NKAIN2: variants seen among roughly 807,000 people sequenced by gnomAD.
The protein encoded by NKAIN2 is sodium/potassium transporting ATPase interacting 2.
NKAIN2 carries 14 observed loss-of-function variants against 32.6 expected under a neutral mutation model. The observed-to-expected ratio is 0.43, with a 90% CI of 0.28 to 0.67. NKAIN2 has a LOEUF of 0.67. NKAIN2 is among the 30% of genes least tolerant of loss of function. NKAIN2 has a pLI of 0.17. For missense variants in NKAIN2, 198 were observed against 258.3 expected (o/e 0.77, Z 1.60); for synonymous variants, 80 against 87.2 (o/e 0.92, Z 0.46).
At chr6:124,098,305 G>A (rs1477963378) in intron 1 of NKAIN2, among the ~76,000 whole-genome samples, 1 of 152,104 alleles carries the variant, frequency 6.6e-6, no homozygotes, top group African/African-American at 2.4e-5. Context: ...GCTCTTTGAG[G>A]ACAGGGATCA....
intron 1 of NKAIN2, among the ~76,000 whole-genome samples, chr6:124,057,548 C>T (rs1295479725): frequency 6.6e-6 from 1 of 151,702 alleles, no homozygotes; most frequent in Non-Finnish European, 1.5e-5. Context: ...ATTTTGCTGA[C>T]ATTTATAAAC....
In NKAIN2 at chr6:123,972,981, T is replaced by C. The variant is rs565898036; in HGVS notation, c.54+168727T>C. Reference sequence around the variant, plus strand: ...AACCAGAAAGTTAATACTATCAAAATTAAAGAGTAGTATATTTTGTAACTT... The same window carrying C: ...AACCAGAAAGTTAATACTATCAAAACTAAAGAGTAGTATATTTTGTAACTT... On this transcript the variant is annotated intron_variant, in intron 1 of 6. Transcript: ENST00000368417. 1.3e-3 allele frequency among the ~76,000 whole-genome samples: 195 copies of C among 152,246 alleles called. 1 individual carries two copies. The highest frequency in any genetic ancestry group is 4.6e-3 in the African/African-American group (190 of 41,558).
At chr6:124,234,105 G>A (rs773299593) in intron 1 of NKAIN2, among the ~76,000 whole-genome samples, 10 of 151,970 alleles carry the variant, frequency 6.6e-5, no homozygotes, top group Non-Finnish European at 1.2e-4. Flanking sequence ...AGCTCTTTCT[G>A]TTGTCTAGTT....
chr6:124,550,150 TC>T (rs1277026047), intron 3 of NKAIN2, among the ~76,000 whole-genome samples: 2 of 152,244 alleles, frequency 1.3e-5, no homozygotes, highest in East Asian at 3.8e-4. Flanking sequence ...ATCATTTCTC[TC>T]CTGTTTATTT....
chr6:123,979,972 T>C (rs1562290093), intron 1 of NKAIN2, among the ~76,000 whole-genome samples: 1 of 152,150 alleles, frequency 6.6e-6, no homozygotes, highest in East Asian at 1.9e-4. Context: ...ATGATACAGG[T>C]TGATTATGAT....
chr6:124,196,007 A>G, intron 1 of NKAIN2, among the ~76,000 whole-genome samples: 1 of 152,090 alleles, frequency 6.6e-6, no homozygotes, highest in East Asian at 1.9e-4. Context: ...AAATTTGTTC[A>G]CTCTTTAATT....
intron 1 of NKAIN2, among the ~76,000 whole-genome samples, chr6:124,268,799 C>T (rs1794620432): frequency 6.6e-6 from 1 of 151,866 alleles, no homozygotes; most frequent in Non-Finnish European, 1.5e-5. Flanking sequence ...GAAGTGATAT[C>T]ATAATGTTCA....
chr6:123,902,435 G>C (rs554343997), intron 1 of NKAIN2, among the ~76,000 whole-genome samples: 1 of 152,200 alleles, frequency 6.6e-6, no homozygotes, highest in African/African-American at 2.4e-5. Context: ...TGTGATGTTG[G>C]TGGTACAGCT....
In NKAIN2 at chr6:124,281,605, G is replaced by A. The variant is rs535585689; in HGVS notation, c.55-1400G>A. On this transcript the variant is annotated intron_variant, in intron 1 of 6. Coordinates refer to ENST00000368417, the MANE Select transcript of NKAIN2 (RefSeq NM_001040214.3). ...GTTCTTTTGTTTTTTTAATTATGGC[G>A]AAGATGCAATGAGAATTACGATTTG... Among the ~76,000 whole-genome samples the A allele has an allele frequency of 3.7e-3, 569 of 152,212 alleles. 7 individuals carry two copies. Among genetic ancestry groups the A allele is most frequent in the Middle Eastern group, 0.01 (3 of 294 alleles).
intron 3 of NKAIN2, among the ~76,000 whole-genome samples, chr6:124,557,840 C>T (rs943343150): frequency 3.9e-5 from 6 of 152,152 alleles, no homozygotes; most frequent in Admixed American, 1.3e-4. Context: ...TTACTAACAG[C>T]GCATCACTTT....
At chr6:124,397,365 T>C (rs1256793300) in intron 3 of NKAIN2, among the ~76,000 whole-genome samples, 2 of 152,086 alleles carry the variant, frequency 1.3e-5, no homozygotes, top group Non-Finnish European at 2.9e-5. Context: ...ATTCAGTGCT[T>C]ACCAATAATG....
At chr6:124,349,002 T>C (rs1346799399) in intron 2 of NKAIN2, among the ~76,000 whole-genome samples, 1 of 152,166 alleles carries the variant, frequency 6.6e-6, no homozygotes, top group African/African-American at 2.4e-5. Context: ...TTGCTAGCAG[T>C]TGTTTTTAAG....
At chr6:123,869,613 G>A (rs928641018) in intron 1 of NKAIN2, among the ~76,000 whole-genome samples, 2 of 152,140 alleles carry the variant, frequency 1.3e-5, no homozygotes, top group East Asian at 1.9e-4. Context: ...CATTCAATTG[G>A]ATTCATATCA....
In NKAIN2 at chr6:124,779,927, TTTTGG is replaced by T. The variant is rs375132391; in HGVS notation, c.475-11405_475-11401del. Among the ~76,000 whole-genome samples, 339 of 152,336 alleles carry T rather than the reference TTTTGG, an allele frequency of 2.2e-3. 2 individuals are homozygous for T. The highest frequency in any genetic ancestry group is 7.8e-3 in the African/African-American group (325 of 41,576). On this transcript the variant is annotated intron_variant, in intron 4 of 6. Transcript: ENST00000368417. Reference sequence around the variant, plus strand: ...ATGGTTGTTACTTTAAGCCACTAAATTTTGGTTTGGTGTGTTATGTCTCAAAAGTT... The same window carrying T: ...ATGGTTGTTACTTTAAGCCACTAAATTTTGGTGTGTTATGTCTCAAAAGTT...
intron 3 of NKAIN2, among the ~76,000 whole-genome samples, chr6:124,433,875 T>C (rs1483144697): frequency 6.6e-6 from 1 of 152,104 alleles, no homozygotes; most frequent in Non-Finnish European, 1.5e-5. Flanking sequence ...ACAAAAGCAT[T>C]TGGGATTGTT....
At position 124,251,641 on chromosome 6, in the gene NKAIN2, T is replaced by C. The variant is rs138861567; in HGVS notation, c.55-31364T>C. ...AAGCAAAGTGATAATTAAATCCACA[T>C]TGAGAACCTATTATAAAACCACCAG... On this transcript the variant is annotated intron_variant, in intron 1 of 6. Transcript: ENST00000368417. Among the ~76,000 whole-genome samples the C allele has an allele frequency of 2.0e-3, 300 of 152,122 alleles. 1 individual carries two copies. Among genetic ancestry groups the C allele is most frequent in the African/African-American group, 6.7e-3 (277 of 41,556 alleles).
chr6:124,740,466 G>GTT (rs1554259570), intron 4 of NKAIN2, among the ~76,000 whole-genome samples: 1 of 150,932 alleles, frequency 6.6e-6, no homozygotes, highest in African/African-American at 2.4e-5. Context: ...GTGTGTGTGT[G>GTT]TGTGTGTGGT....
At chr6:124,231,862 CAT>C (rs34160856) in intron 1 of NKAIN2, among the ~76,000 whole-genome samples, 7 of 150,390 alleles carry the variant, frequency 4.7e-5, no homozygotes, top group South Asian at 2.1e-4. Context: ...TATAAATATA[CAT>C]ATATATATAC....
chr6:124,343,180 C>G (rs1583081553), intron 2 of NKAIN2, among the ~76,000 whole-genome samples: 1 of 152,066 alleles, frequency 6.6e-6, no homozygotes, highest in Admixed American at 6.6e-5. Context: ...TTTATGGCTG[C>G]ATAGTATTCA....
Sources: allele counts gnomAD v4.1 joint callset (sites outside exome capture counted in the v4.1 genomes callset), GRCh38; gene constraint gnomAD v4.1.1; transcripts MANE v1.5; gene names NCBI Gene and HGNC (gene_info 2026-07-23, HGNC 2026-07-21).